SLC5A12: variants seen among roughly 807,000 people sequenced by gnomAD.
SLC5A12 encodes the protein solute carrier family 5 member 12, also known as sodium-coupled monocarboxylate transporter 2.
In SLC5A12, 46 loss-of-function variants were observed where a neutral mutation model predicts 72.7. The ratio of observed to expected loss-of-function variants is 0.63; its 90% CI spans 0.50 to 0.81. The LOEUF is 0.81. Among genes scored for constraint, SLC5A12 ranks in the 30% least tolerant of loss-of-function variants. The probability of loss-of-function intolerance (pLI) is 0.00; values close to 1 mark genes in which losing one functional copy is unlikely to be tolerated. For missense variants in SLC5A12, 683 were observed against 740.7 expected (o/e 0.92, Z 0.90); for synonymous variants, 275 against 264.4 (o/e 1.04, Z -0.39).
At chr11:26,719,128 C>T (rs746526031) in intron 1 of SLC5A12, among the ~76,000 whole-genome samples, 77 of 152,202 alleles carry the variant, frequency 5.1e-4, no homozygotes, top group Non-Finnish European at 1.1e-3. Flanking sequence ...TAATGAGCAG[C>T]ACATATGGAA....
intron 8 of SLC5A12, among the ~76,000 whole-genome samples, chr11:26,692,831 T>C (rs1469128565): frequency 6.6e-6 from 1 of 152,208 alleles, no homozygotes; most frequent in Non-Finnish European, 1.5e-5. Flanking sequence ...GTGAAGAAGC[T>C]AGGCTTTCAT....
chr11:26,689,220 A>G (rs1854608016), intron 9 of SLC5A12, among the ~76,000 whole-genome samples: 1 of 152,066 alleles, frequency 6.6e-6, no homozygotes, highest in African/African-American at 2.4e-5. Flanking sequence ...ACATGGTGAA[A>G]CCCCGTTTCT....
Position 26,705,837 on chromosome 11 carries a change from C to G in SLC5A12, c.526-1890G>C, listed in dbSNP as rs566626895. 5.9e-5 allele frequency among the ~76,000 whole-genome samples: 9 copies of G among 151,866 alleles called. No homozygotes were observed. The South Asian group carries it at 1.9e-3, about 32-fold the overall frequency. On this transcript the variant is annotated intron_variant, in intron 4 of 14. Coordinates refer to ENST00000396005, the MANE Select transcript of SLC5A12 (RefSeq NM_178498.4). ...AAGGCAAGAGAACAAACCACTTTATCAGATATTAATCAAAAGGCAGATTAT... is the reference window on the plus strand; with the variant it reads ...AAGGCAAGAGAACAAACCACTTTATGAGATATTAATCAAAAGGCAGATTAT...
chr11:26,684,028 ATGTG>A (rs145705590), intron 10 of SLC5A12, among the ~76,000 whole-genome samples, 185 bp from the exon 11 acceptor site: 117 of 148,046 alleles, frequency 7.9e-4, no homozygotes, highest in African/African-American at 1.6e-3. Flanking sequence ...GTATTTATGT[ATGTG>A]TGTGTGTGTG....
chr11:26,714,942 A>G (rs1453367583), intron 1 of SLC5A12, among the ~76,000 whole-genome samples: 2 of 152,156 alleles, frequency 1.3e-5, no homozygotes, highest in African/African-American at 4.8e-5. Flanking sequence ...TATGTGAATG[A>G]GGGCATCAGA....
At chr11:26,689,090 C>CAAA (rs36100337) in intron 9 of SLC5A12, among the ~76,000 whole-genome samples, 5 of 111,340 alleles carry the variant, frequency 4.5e-5, no homozygotes, top group Admixed American at 9.8e-5. Context: ...AAGGACGTTA[C>CAAA]AAAAAAAAAA....
intron 1 of SLC5A12, among the ~76,000 whole-genome samples, chr11:26,718,650 GTGTGTGTGTGT>G: frequency 6.7e-6 from 1 of 149,228 alleles, no homozygotes; most frequent in Non-Finnish European, 1.5e-5. Context: ...GTGTGTGTGT[GTGTGTGTGTGT>G]GTTGTTTAGT....
At chr11:26,673,603 A>G (rs1854197060) in intron 13 of SLC5A12, 74 bp from the exon 14 acceptor site, 4 of 1,443,252 alleles carry the variant, frequency 2.8e-6, no homozygotes, top group Non-Finnish European at 3.7e-6. Flanking sequence ...AAACATTGTC[A>G]ACTTGAAAAG....
rs1854130500 is a variant in SLC5A12, at chr11:26,671,115, G to A, written c.1844C>T (p.Thr615Ile). ...DKSYNNMAFE[T>I]THF is the part of the protein sequence containing the mutation. The stretch of plus-strand genomic sequence containing the variant: ...ACAGGTATTGCCTTAGAAATGGGTA[G>A]TCTCAAATGCCATATTGTTGTAGCT... Residue 615 changes from threonine (T) to isoleucine (I), a missense_variant, in exon 15 of 15, where the codon ACT becomes ATT. By Grantham distance (89) the Thr-to-Ile change is moderately conservative (BLOSUM62 -1). Coordinates refer to ENST00000396005, the MANE Select transcript of SLC5A12 (RefSeq NM_178498.4). 6.2e-7 allele frequency: 1 copy of A among 1,611,108 alleles called. No individual in the cohort carries two copies. Among genetic ancestry groups the A allele is most frequent in the Admixed American group, 1.7e-5 (1 of 59,620 alleles).
intron 1 of SLC5A12, among the ~76,000 whole-genome samples, chr11:26,714,860 G>A (rs547759129): frequency 6.6e-6 from 1 of 152,156 alleles, no homozygotes; most frequent in Non-Finnish European, 1.5e-5. Flanking sequence ...ACCTGAGGTA[G>A]AAAACCACCT....
At chr11:26,702,283 T>C (rs1430196751) in intron 6 of SLC5A12, among the ~76,000 whole-genome samples, 1 of 152,244 alleles carries the variant, frequency 6.6e-6, no homozygotes, top group Non-Finnish European at 1.5e-5. Context: ...TTTTATTTCC[T>C]TATTCTGAGA....
chr11:26,700,001 T>C (rs1854920447), intron 6 of SLC5A12, among the ~76,000 whole-genome samples: 1 of 152,210 alleles, frequency 6.6e-6, no homozygotes, highest in Admixed American at 6.5e-5. Flanking sequence ...AAATATACCA[T>C]TGGACCTGGA....
At chr11:26,699,089 C>A (rs1409394971) in intron 6 of SLC5A12, among the ~76,000 whole-genome samples, 1 of 152,148 alleles carries the variant, frequency 6.6e-6, no homozygotes, top group Non-Finnish European at 1.5e-5. Flanking sequence ...CTATGTGGTG[C>A]AATTCATTTT....
At chr11:26,697,892 CTTTTTT>C (rs34284911) in intron 7 of SLC5A12, among the ~76,000 whole-genome samples, 1 of 93,970 alleles carries the variant, frequency 1.1e-5, no homozygotes, top group Non-Finnish European at 1.9e-5. Context: ...GAGATGCCGT[CTTTTTT>C]TTTTTTTTTT....
Position 26,709,343 on chromosome 11 carries a change from G to T in SLC5A12, c.494C>A (p.Thr165Lys), listed in dbSNP as rs1336118962. Residue 165 changes from threonine (T) to lysine (K), a missense_variant, in exon 4 of 15, where the codon ACA (threonine) becomes AAA (lysine). By Grantham distance (78) the Thr-to-Lys change is moderately conservative. Transcript: ENST00000396005. Reference protein sequence around the residue: ...GFDLWGSVFATGIVCTFYCTL... With the variant: ...GFDLWGSVFAKGIVCTFYCTL... ...ACAGTAGAATGTGCAAACAATTCCTGTTGCAAACACAGAGCCCCAGAGATC... is the reference window on the plus strand; with the variant it reads ...ACAGTAGAATGTGCAAACAATTCCTTTTGCAAACACAGAGCCCCAGAGATC... 1 of 1,611,602 alleles carries T rather than the reference G, an allele frequency of 6.2e-7. No homozygotes were observed. Among genetic ancestry groups the T allele is most frequent in the African/African-American group, 1.3e-5 (1 of 74,762 alleles).
In SLC5A12 at chr11:26,718,849, C is replaced by T. The variant is rs571288292; in HGVS notation, c.339+2527G>A. ...CAATTTTTATAAAGCAAGAGGTAAT[C>T]CCAAAATAACCTTATATCTACTTTA... On this transcript the variant is annotated intron_variant, in intron 1 of 14. Transcript: ENST00000396005. Among the ~76,000 whole-genome samples, 16 of 152,140 alleles carry T rather than the reference C, an allele frequency of 1.1e-4. No individual in the cohort carries two copies. In the South Asian group the frequency reaches 2.7e-3, roughly 26 times the overall value.
rs1854086029 is a variant in SLC5A12 at position 26,669,327 on chromosome 11, A to C, written c.*1775T>G. The C allele has an allele frequency of 6.6e-6, 1 of 151,214 alleles. No homozygotes were observed. 9.4% of individuals were successfully genotyped at this position (151,214 alleles called of 1,614,324 possible). ...TCACAAAATATATATTCTAATTAAT[A>C]AGAGTGTCACAAATCATTTGGAAAA... On this transcript the variant is annotated 3_prime_UTR_variant, in exon 15 of 15. Coordinates refer to ENST00000396005, the MANE Select transcript of SLC5A12 (RefSeq NM_178498.4).
At chr11:26,688,481 A>T (rs1854589509) in intron 9 of SLC5A12, among the ~76,000 whole-genome samples, 1 of 152,228 alleles carries the variant, frequency 6.6e-6, no homozygotes, top group South Asian at 2.1e-4. Flanking sequence ...TGTGGTCAAC[A>T]TTCCTCTCTT....
chr11:26,722,499 C>T (rs1337561768), upstream of SLC5A12, among the ~76,000 whole-genome samples: 2 of 152,074 alleles, frequency 1.3e-5, no homozygotes, highest in African/African-American at 2.4e-5. Flanking sequence ...TAATATGTAC[C>T]CCATTGGCTA....
Sources: gnomAD v4.1 joint callset for allele counts (sites outside exome capture counted in the v4.1 genomes callset) on GRCh38, gnomAD v4.1.1 for gene constraint, MANE v1.5 for transcripts, NCBI Gene and HGNC (gene_info 2026-07-23, HGNC 2026-07-21) for gene names.